Variants in CNR2 observed in about 807,000 individuals in gnomAD.
CNR2 encodes cannabinoid receptor 2, also known as cannabinoid receptor 2 (macrophage).
For missense variants in CNR2, 379 were observed against 439.9 expected (o/e 0.86, Z 1.24); for synonymous variants, 172 against 182.2 (o/e 0.94, Z 0.45).
chr1:23,906,920 C>T (rs551231016), intron 1 of CNR2, among the ~76,000 whole-genome samples: 3 of 151,584 alleles, frequency 2.0e-5, no homozygotes, highest in Admixed American at 2.0e-4. Context: ...AAATATGTCT[C>T]AGGCCCCTAT....
rs1001430694 is a variant in CNR2, at chr1:23,873,233, G to A, written c.*1302C>T. ...CTCATATGAAAAATGAGTACCCTGG[G>A]ATCTATTTTATTTTATTTTTTTGAG... On this transcript the variant is annotated 3_prime_UTR_variant, in exon 2 of 2. Coordinates refer to ENST00000374472, the MANE Select transcript of CNR2 (RefSeq NM_001841.3). The A allele has an allele frequency of 7.9e-6, 1 of 126,200 alleles. No individual in the cohort carries two copies. Among genetic ancestry groups the A allele is most frequent in the Non-Finnish European group, 1.6e-5 (1 of 60,936 alleles). The allele number at this position is 126,200 out of a possible 1,614,324, so 7.8% of individuals were successfully genotyped here.
chr1:23,897,036 C>T (rs1244782123), intron 1 of CNR2, among the ~76,000 whole-genome samples: 5 of 152,044 alleles, frequency 3.3e-5, no homozygotes, highest in Non-Finnish European at 5.9e-5. Context: ...CAGGTGCCTG[C>T]CACCATTTTT....
At chr1:23,889,030 C>G (rs1392042255) in intron 1 of CNR2, among the ~76,000 whole-genome samples, 1 of 152,038 alleles carries the variant, frequency 6.6e-6, no homozygotes, top group Non-Finnish European at 1.5e-5. Flanking sequence ...ATGACCAAGT[C>G]CTTTCTTCAC....
rs1639825983 is a variant in CNR2 at position 23,874,427 on chromosome 1, G to T, written c.*108C>A. On this transcript the variant is annotated 3_prime_UTR_variant, in exon 2 of 2. Coordinates refer to ENST00000374472, the MANE Select transcript of CNR2 (RefSeq NM_001841.3). ...ATCAGCAAAAAGGGGTCCGTGTCTA[G>T]GTGTCTGGGACTGGTTTAAGTAAGA... is the stretch of plus-strand genomic sequence containing the variant. The T allele has an allele frequency of 4.0e-6, 5 of 1,257,424 alleles. No individual in the cohort carries two copies. The South Asian group carries it at 7.2e-5, about 18-fold the overall frequency. 77.9% of individuals were successfully genotyped at this position (1,257,424 alleles called of 1,614,324 possible).
intron 1 of CNR2, 98 bp from the exon 2 acceptor site, chr1:23,875,760 A>C (rs1639864714): frequency 1.1e-6 from 1 of 941,930 alleles, no homozygotes; most frequent in Non-Finnish European, 1.6e-6. Flanking sequence ...ACCTGTATGG[A>C]TGGATTCTAT....
At chr1:23,888,457 A>G (rs1289222430) in intron 1 of CNR2, among the ~76,000 whole-genome samples, 6 of 152,064 alleles carry the variant, frequency 3.9e-5, no homozygotes, top group African/African-American at 7.2e-5. Context: ...GTAGGCTTGG[A>G]TGGGAGTATC....
At chr1:23,908,285 C>T (rs947287126) in intron 1 of CNR2, among the ~76,000 whole-genome samples, 5 of 151,928 alleles carry the variant, frequency 3.3e-5, no homozygotes, top group African/African-American at 1.2e-4. Context: ...GGCCAACTAT[C>T]GCTTTTTAAA....
intron 1 of CNR2, among the ~76,000 whole-genome samples, chr1:23,880,965 A>AT (rs1639976255): frequency 6.6e-6 from 1 of 151,094 alleles, no homozygotes; most frequent in Admixed American, 6.6e-5. Context: ...TTCTGACCAC[A>AT]TAAAATTTAT....
At chr1:23,907,421 A>C (rs1252305400) in intron 1 of CNR2, among the ~76,000 whole-genome samples, 1 of 151,808 alleles carries the variant, frequency 6.6e-6, no homozygotes, top group South Asian at 2.1e-4. Flanking sequence ...AAAAAAAAAA[A>C]AAAAACAAGA....
chr1:23,898,393 G>C (rs1446500864), intron 1 of CNR2, among the ~76,000 whole-genome samples: 1 of 130,570 alleles, frequency 7.7e-6, no homozygotes, highest in Non-Finnish European at 1.6e-5. Context: ...CCAGGCTGGA[G>C]TGCAGTGGTA....
intron 1 of CNR2, among the ~76,000 whole-genome samples, chr1:23,911,736 C>T (rs1640589503): frequency 6.6e-6 from 1 of 152,164 alleles, no homozygotes; most frequent in South Asian, 2.1e-4. Flanking sequence ...CTGCCATTTT[C>T]CCGTCTTCAC....
chr1:23,901,376 A>C (rs1266856901), intron 1 of CNR2: 6 of 1,078,370 alleles, frequency 5.6e-6, no homozygotes, highest in Non-Finnish European at 7.9e-6. Flanking sequence ...AAGAGAGACA[A>C]GGTTAAGTGT....
intron 1 of CNR2, among the ~76,000 whole-genome samples, chr1:23,879,121 C>T (rs543483089): frequency 6.6e-6 from 1 of 152,110 alleles, no homozygotes; most frequent in Admixed American, 6.6e-5. Flanking sequence ...TAATTTATGC[C>T]CATCTTTACT....
intron 1 of CNR2, among the ~76,000 whole-genome samples, chr1:23,911,867 G>A (rs1046605150): frequency 3.9e-5 from 6 of 152,072 alleles, no homozygotes; most frequent in Non-Finnish European, 8.8e-5. Context: ...AGGATTATTG[G>A]GACTCCACCT....
chr1:23,910,566 A>G (rs1323158255), intron 1 of CNR2, among the ~76,000 whole-genome samples: 1 of 144,484 alleles, frequency 6.9e-6, no homozygotes, highest in East Asian at 2.2e-4. Context: ...AGGCAGGAGA[A>G]TCGCTTGAAC....
rs970830200 is a variant in CNR2 at position 23,871,441 on chromosome 1, A to T, written c.*3094T>A. ...AACATTTATGCTACTTGTTTGCCTTACAAAAAGATTGGTGTCTGGATTAAA... is the reference window on the plus strand; with the variant it reads ...AACATTTATGCTACTTGTTTGCCTTTCAAAAAGATTGGTGTCTGGATTAAA... On this transcript the variant is annotated 3_prime_UTR_variant, in exon 2 of 2. Transcript: ENST00000374472. The T allele has an allele frequency of 2.1e-4, 32 of 152,236 alleles. No homozygotes were observed. Among genetic ancestry groups the T allele is most frequent in the African/African-American group, 7.2e-4 (30 of 41,474 alleles). The allele number at this position is 152,236 out of a possible 1,614,324, so 9.4% of individuals were successfully genotyped here.
intron 1 of CNR2, among the ~76,000 whole-genome samples, chr1:23,899,746 G>A (rs1172858581): frequency 4.1e-5 from 5 of 123,198 alleles, no homozygotes; most frequent in Non-Finnish European, 3.3e-5. Flanking sequence ...CCTGGAAGGT[G>A]GAGGGTGCAG....
In CNR2 at chr1:23,875,202, G is replaced by A; in HGVS notation, c.416C>T (p.Pro139Leu). The A allele has an allele frequency of 6.2e-7, 1 of 1,614,154 alleles. No homozygotes were observed. The highest frequency in any genetic ancestry group is 1.1e-5 in the South Asian group (1 of 91,082). ...IDRYLCLRYPPSYKALLTRGR... is the reference protein window; with the variant it reads ...IDRYLCLRYPLSYKALLTRGR... ...ACGGGTGAGCAGAGCTTTGTAGGAA[G>A]GTGGATAGCGCAGGCAGAGGTATCG... Residue 139 changes from proline to leucine, a missense_variant, in exon 2 of 2, where the codon CCT becomes CTT. Physicochemically the swap from Pro to Leu is moderately conservative, Grantham distance 98 (BLOSUM62 -3). Transcript: ENST00000374472.
chr1:23,907,408 CAAAA>C (rs58616828), intron 1 of CNR2, among the ~76,000 whole-genome samples: 2 of 98,278 alleles, frequency 2.0e-5, no homozygotes, highest in Non-Finnish European at 2.2e-5. Flanking sequence ...GACCTTGTCT[CAAAA>C]AAAAAAAAAA....
Sources: allele counts gnomAD v4.1 joint callset (sites outside exome capture counted in the v4.1 genomes callset), GRCh38; gene constraint gnomAD v4.1.1; transcripts MANE v1.5; gene names NCBI Gene and HGNC (gene_info 2026-07-23, HGNC 2026-07-21).